Variants in PTPRD observed in about 807,000 individuals in gnomAD.
PTPRD encodes protein tyrosine phosphatase receptor type D, also known as receptor-type tyrosine-protein phosphatase delta.
In PTPRD, 34 loss-of-function variants were observed where a neutral mutation model predicts 214.5. That is an observed-to-expected ratio of 0.16 (90% CI 0.12 to 0.21). The LOEUF is 0.21. PTPRD is among the 10% of genes least tolerant of loss of function. The pLI is 1.00. For synonymous variants in PTPRD, 1,128 were observed against 845.7 expected (o/e 1.33, Z -5.79); for missense variants, 2,545 against 2,398.7 (o/e 1.06, Z -1.27).
intron 9 of PTPRD, among the ~76,000 whole-genome samples, chr9:9,326,085 T>C (rs1479000525): frequency 6.6e-6 from 1 of 152,118 alleles, no homozygotes; most frequent in African/African-American, 2.4e-5. Flanking sequence ...TGCCGCAGGA[T>C]TCCATATGTA....
intron 8 of PTPRD, among the ~76,000 whole-genome samples, chr9:9,541,607 C>T (rs907561686): frequency 2.8e-4 from 43 of 151,844 alleles, no homozygotes; most frequent in African/African-American, 1.0e-3. Flanking sequence ...ATATGACATG[C>T]ATGATGAATT....
intron 2 of PTPRD, among the ~76,000 whole-genome samples, chr9:10,540,982 TACTC>T (rs1341660133): frequency 6.6e-6 from 1 of 152,146 alleles, no homozygotes; most frequent in East Asian, 1.9e-4. Flanking sequence ...CTCCTGCAAT[TACTC>T]ACTCAAGTTC....
At chr9:10,496,673 T>C (rs1232195151) in intron 2 of PTPRD, among the ~76,000 whole-genome samples, 5 of 152,144 alleles carry the variant, frequency 3.3e-5, no homozygotes, top group East Asian at 3.9e-4. Context: ...TAGTAACTCA[T>C]TGTGGTTTTA....
At chr9:9,982,884 A>G (rs911352247) in intron 4 of PTPRD, among the ~76,000 whole-genome samples, 1 of 152,146 alleles carries the variant, frequency 6.6e-6, no homozygotes. Context: ...ATAATGATTC[A>G]TGTGCTAAAC....
At chr9:8,858,812 C>CACAT (rs1408590484) in intron 11 of PTPRD, among the ~76,000 whole-genome samples, 1 of 150,036 alleles carries the variant, frequency 6.7e-6, no homozygotes, top group African/African-American at 2.5e-5. Context: ...CACACACACA[C>CACAT]ACACACACAC....
intron 3 of PTPRD, among the ~76,000 whole-genome samples, chr9:10,147,124 G>C (rs1242893055): frequency 1.3e-5 from 2 of 152,150 alleles, no homozygotes; most frequent in Non-Finnish European, 2.9e-5. Flanking sequence ...GGGATCTAGA[G>C]TATTTTATAT....
At chr9:10,551,303 C>A (rs1472016409) in intron 2 of PTPRD, among the ~76,000 whole-genome samples, 1 of 152,120 alleles carries the variant, frequency 6.6e-6, no homozygotes, top group African/African-American at 2.4e-5. Flanking sequence ...TATGCCACTG[C>A]ACTCCAGTTT....
intron 5 of PTPRD, among the ~76,000 whole-genome samples, chr9:9,839,923 C>T (rs1355959308): frequency 1.3e-5 from 2 of 152,222 alleles, no homozygotes; most frequent in East Asian, 1.9e-4. Flanking sequence ...TAAACACACA[C>T]ACACACAAGT....
intron 2 of PTPRD, among the ~76,000 whole-genome samples, chr9:10,576,473 C>A (rs2069373649): frequency 6.6e-6 from 1 of 152,036 alleles, no homozygotes; most frequent in Admixed American, 6.6e-5. Flanking sequence ...AATTCAGGGT[C>A]CACGTAAAAG....
intron 3 of PTPRD, among the ~76,000 whole-genome samples, chr9:10,147,468 C>T (rs1193859046): frequency 1.3e-5 from 2 of 152,246 alleles, no homozygotes; most frequent in South Asian, 2.1e-4. Context: ...GCCTGAGTTA[C>T]GTTTTAAAAA....
At chr9:10,396,096 T>A (rs1253666815) in intron 2 of PTPRD, among the ~76,000 whole-genome samples, 2 of 151,928 alleles carry the variant, frequency 1.3e-5, no homozygotes, top group Non-Finnish European at 2.9e-5. Context: ...AATGCATCCC[T>A]GTGCTTGGAC....
At chr9:8,594,930 T>A (rs1287245144) in intron 14 of PTPRD, among the ~76,000 whole-genome samples, 1 of 148,656 alleles carries the variant, frequency 6.7e-6, no homozygotes, top group Non-Finnish European at 1.5e-5. Flanking sequence ...TGGCGCAAAC[T>A]TGGCTCACTG....
At chr9:8,593,236 G>C (rs1435211965) in intron 14 of PTPRD, among the ~76,000 whole-genome samples, 4 of 152,146 alleles carry the variant, frequency 2.6e-5, no homozygotes, top group African/African-American at 9.7e-5. Context: ...ATCTTTGTGA[G>C]GTCAAATTTT....
At chr9:9,101,329 G>A (rs2099791068) in intron 10 of PTPRD, among the ~76,000 whole-genome samples, 1 of 152,126 alleles carries the variant, frequency 6.6e-6, no homozygotes, top group Admixed American at 6.6e-5. Flanking sequence ...TTATTTTTAA[G>A]AAGACAGAAC....
intron 2 of PTPRD, among the ~76,000 whole-genome samples, chr9:10,529,980 G>T (rs961676409): frequency 6.7e-6 from 1 of 149,976 alleles, no homozygotes; most frequent in Non-Finnish European, 1.5e-5. Flanking sequence ...TAGACGACAG[G>T]TTGTTAGGGG....
At chr9:9,322,814 C>T (rs958056181) in intron 9 of PTPRD, among the ~76,000 whole-genome samples, 1 of 152,126 alleles carries the variant, frequency 6.6e-6, no homozygotes, top group Admixed American at 6.6e-5. Flanking sequence ...TACTACTATA[C>T]TGGCATGTAA....
chr9:9,220,787 C>A (rs548090225), intron 9 of PTPRD, among the ~76,000 whole-genome samples: 39 of 152,078 alleles, frequency 2.6e-4, no homozygotes, highest in African/African-American at 5.8e-4. Context: ...TCAGTTTGTC[C>A]CCACGGCCAT....
At chr9:10,369,467 C>A (rs2097572496) in intron 2 of PTPRD, among the ~76,000 whole-genome samples, 1 of 151,998 alleles carries the variant, frequency 6.6e-6, no homozygotes, top group Non-Finnish European at 1.5e-5. Flanking sequence ...CTGAGTGTAT[C>A]CATACGAACA....
chr9:8,606,726 T>C (rs62530706), intron 14 of PTPRD, among the ~76,000 whole-genome samples: 17,173 of 152,238 alleles, frequency 0.11, 1,011 homozygotes, highest in East Asian at 0.17. Flanking sequence ...TTTGTTTATA[T>C]TTTATGCTAG....
Sources: allele counts gnomAD v4.1 joint callset (sites outside exome capture counted in the v4.1 genomes callset), GRCh38; gene constraint gnomAD v4.1.1; transcripts MANE v1.5; gene names NCBI Gene and HGNC (gene_info 2026-07-23, HGNC 2026-07-21).